Variants in SF3B3 observed in about 807,000 individuals in gnomAD.
SF3B3 encodes the protein splicing factor 3b subunit 3, also known as SAP 130.
A neutral mutation model predicts 139.2 loss-of-function variants in SF3B3; 33 were observed. That is an observed-to-expected ratio of 0.24 (90% CI 0.18 to 0.32). The LOEUF is 0.32. Ranked by LOEUF, SF3B3 falls within the 10% of genes least tolerant of loss-of-function variation. The pLI is 1.00. For missense variants in SF3B3, 818 were observed against 1,509.4 expected, an observed-to-expected ratio of 0.54 and a Z score of 7.59; for synonymous variants, 596 against 563.6, an observed-to-expected ratio of 1.06 and a Z score of -0.81.
intron 5 of SF3B3, 32 bp downstream of exon 5, chr16:70,532,652 T>C: frequency 6.2e-7 from 1 of 1,608,976 alleles, no homozygotes; most frequent in Non-Finnish European, 8.5e-7. Flanking sequence ...TTTGTACCCT[T>C]TTACTTGGTT....
At chr16:70,560,904 G>A (rs1006825868) in intron 16 of SF3B3, among the ~76,000 whole-genome samples, 12 of 152,188 alleles carry the variant, frequency 7.9e-5, no homozygotes, top group South Asian at 2.1e-4. Flanking sequence ...CCCAGTCTTA[G>A]ATCAGTGTCA....
chr16:70,526,562 ATTTTTCT>A lies in SF3B3; in HGVS notation c.-70-24_-70-18del. ...CTGTTGAAGTAATAGTCTCCCAGCT[ATTTTTCT>A]GTTTTCTGTTTTCTTAGCTTTCTTG... On this transcript the variant is annotated intron_variant, in intron 1 of 25. Transcript: ENST00000302516. 1.2e-6 allele frequency: 1 copy of A among 811,232 alleles called. No homozygotes were observed. Among genetic ancestry groups the A allele is most frequent in the Non-Finnish European group, 2.0e-6 (1 of 491,140 alleles). 50.3% of individuals were successfully genotyped at this position (811,232 alleles called of 1,614,324 possible).
At chr16:70,561,936 G>A in intron 17 of SF3B3, 152 bp downstream of exon 17, 2 of 660,948 alleles carry the variant, frequency 3.0e-6, no homozygotes, top group Non-Finnish European at 5.1e-6. Flanking sequence ...CCTTCATTTG[G>A]CTCAGCATTT....
Position 70,530,897 on chromosome 16 carries a change from T to G in SF3B3, c.550T>G (p.Cys184Gly). 6.2e-7 allele frequency: 1 copy of G among 1,613,032 alleles called. No homozygotes were observed. The highest frequency in any genetic ancestry group is 8.5e-7 in the Non-Finnish European group (1 of 1,179,596). Reference protein sequence around the residue: ...DVGFENPMFACLEMDYEEADN... With the variant: ...DVGFENPMFAGLEMDYEEADN... ...CGGATTTGAAAATCCAATGTTTGCT[T>G]GTCTGGAAATGGATTATGAGGTAAT... is the stretch of plus-strand genomic sequence containing the variant. Residue 184 changes from cysteine to glycine, a missense_variant, in exon 4 of 26, where the codon TGT (cysteine) becomes GGT (glycine). Physicochemically the swap from Cys to Gly is radical, Grantham distance 159. Coordinates refer to ENST00000302516, the MANE Select transcript of SF3B3 (RefSeq NM_012426.5).
rs142204610 is a variant in SF3B3 at position 70,550,688 on chromosome 16, TA to T, written c.1402+2248del. On this transcript the variant is annotated intron_variant, in intron 11 of 25. Transcript: ENST00000302516. The stretch of plus-strand genomic sequence containing the variant: ...GTGCTGATCACCACAGGTGTGTACC[TA>T]ACTGCTAGGGTCGATGTGGGGTCTT... The T allele has an allele frequency of 7.1e-3, 7,028 of 985,296 alleles. 399 individuals carry two copies. The African/African-American group carries it at 0.11, about 16-fold the overall frequency. The allele number at this position is 985,296 out of a possible 1,614,324, so 61.0% of individuals were successfully genotyped here. A position where few individuals can be genotyped will look rare whatever the true frequency, so the allele number is the denominator to read the frequency against.
chr16:70,567,357 G>A (rs1315123169), intron 20 of SF3B3, 54 bp from the exon 21 acceptor site: 1 of 1,573,196 alleles, frequency 6.4e-7, no homozygotes. Flanking sequence ...GAGAGGTGAG[G>A]CCTGTGTCTG....
At chr16:70,560,742 T>A in intron 16 of SF3B3, 151 bp downstream of exon 16, 1 of 793,408 alleles carries the variant, frequency 1.3e-6, no homozygotes, top group Non-Finnish European at 2.0e-6. Context: ...TTTCCTAACC[T>A]AGAGCTTCCT....
intron 14 of SF3B3, 121 bp from the exon 15 acceptor site, chr16:70,556,765 C>T: frequency 2.8e-6 from 3 of 1,059,690 alleles, no homozygotes. Context: ...GAACTCACTC[C>T]CCGGGTTTTT....
In SF3B3 at chr16:70,568,618, C is replaced by T. The variant is rs760766206; in HGVS notation, c.3165+123C>T. ...AAAATGGATATAAAATTCCATCCTACTAAAGCTAACTCTACAAGCAATCTG... is the reference window on the plus strand; with the variant it reads ...AAAATGGATATAAAATTCCATCCTATTAAAGCTAACTCTACAAGCAATCTG... On this transcript the variant is annotated intron_variant, in intron 22 of 25. Coordinates refer to ENST00000302516, the MANE Select transcript of SF3B3 (RefSeq NM_012426.5). 2.2e-5 allele frequency: 16 copies of T among 721,840 alleles called. No individual in the cohort carries two copies. In the African/African-American group the frequency reaches 2.5e-4, roughly 11 times the overall value. 44.7% of individuals were successfully genotyped at this position (721,840 alleles called of 1,614,324 possible).
intron 17 of SF3B3, 35 bp from the exon 18 acceptor site, chr16:70,563,841 G>T (rs1308085080): frequency 6.2e-7 from 1 of 1,606,266 alleles, no homozygotes; most frequent in Non-Finnish European, 8.5e-7. Context: ...GGGTCCGAGT[G>T]AGTATTAAAT....
intron 21 of SF3B3, 34 bp downstream of exon 21, chr16:70,567,570 T>TCAG: frequency 2.5e-6 from 4 of 1,603,072 alleles, no homozygotes; most frequent in Non-Finnish European, 3.4e-6. Flanking sequence ...GAGATCTAGC[T>TCAG]CATGTGTCAA....
intron 11 of SF3B3, 48 bp from the exon 12 acceptor site, chr16:70,554,398 A>G: frequency 6.3e-7 from 1 of 1,585,804 alleles, no homozygotes; most frequent in Non-Finnish European, 8.6e-7. Flanking sequence ...TTGGCTTTGT[A>G]ATTCTAATGA....
At chr16:70,571,074 A>T in intron 24 of SF3B3, 21 bp from the exon 25 acceptor site, 1 of 1,583,538 alleles carries the variant, frequency 6.3e-7, no homozygotes, top group Non-Finnish European at 8.7e-7. Context: ...TCAGTGACAG[A>T]TTTTTTGTTT....
At chr16:70,532,354 C>G in intron 4 of SF3B3, 125 bp from the exon 5 acceptor site, 2 of 379,816 alleles carry the variant, frequency 5.3e-6, no homozygotes, top group Non-Finnish European at 8.0e-6. Context: ...GAACCTGTCT[C>G]TCCAAAAAAA....
intron 18 of SF3B3, 68 bp downstream of exon 18, chr16:70,564,118 C>T: frequency 1.3e-6 from 2 of 1,515,878 alleles, no homozygotes; most frequent in Non-Finnish European, 1.8e-6. Flanking sequence ...GTTTAAACTG[C>T]CCGGCACTTT....
chr16:70,564,812 A>C (rs1254168536), intron 18 of SF3B3, among the ~76,000 whole-genome samples: 1 of 152,160 alleles, frequency 6.6e-6, no homozygotes, highest in Non-Finnish European at 1.5e-5. Context: ...TATTTGTCAC[A>C]GCTATTGTTA....
Position 70,574,733 on chromosome 16 carries a change from T to A in SF3B3, c.*2920T>A, listed in dbSNP as rs114509338. ...GTCTCGAACTCCTGGCCTAAAGTGG[T>A]CCACCTAGCTCAGCCTACCAAAGTG... On this transcript the variant is annotated 3_prime_UTR_variant, in exon 26 of 26. Coordinates refer to ENST00000302516, the MANE Select transcript of SF3B3 (RefSeq NM_012426.5). The A allele has an allele frequency of 6.6e-6, 1 of 152,198 alleles. No homozygotes were observed. The allele number at this position is 152,198 out of a possible 1,614,324, so 9.4% of individuals were successfully genotyped here. A position where few individuals can be genotyped will look rare whatever the true frequency, so the allele number is the denominator to read the frequency against.
intron 11 of SF3B3, among the ~76,000 whole-genome samples, chr16:70,551,407 G>T (rs1347539612): frequency 1.3e-5 from 2 of 151,850 alleles, no homozygotes; most frequent in Non-Finnish European, 2.9e-5. Context: ...GAACTCCAGC[G>T]TTTTTTTTAA....
chr16:70,542,935 G>GA (rs2050233383), intron 9 of SF3B3, among the ~76,000 whole-genome samples: 1 of 151,820 alleles, frequency 6.6e-6, no homozygotes, highest in Non-Finnish European at 1.5e-5. Context: ...TAACTAGCCA[G>GA]GATGGTCTCG....
Sources: gnomAD v4.1 joint callset for allele counts (sites outside exome capture counted in the v4.1 genomes callset) on GRCh38, gnomAD v4.1.1 for gene constraint, MANE v1.5 for transcripts, NCBI Gene and HGNC (gene_info 2026-07-23, HGNC 2026-07-21) for gene names.